CACNA1H: variants seen among roughly 807,000 people sequenced by gnomAD.
CACNA1H encodes calcium voltage-gated channel subunit alpha1 H, also known as voltage-dependent T-type calcium channel subunit alpha-1H.
A neutral mutation model predicts 192.5 loss-of-function variants in CACNA1H; 149 were observed. The observed-to-expected ratio is 0.77, with a 90% CI of 0.68 to 0.89. The LOEUF is 0.89. CACNA1H is among the 40% of genes least tolerant of loss of function. CACNA1H has a pLI of 0.00. For missense variants in CACNA1H, 4,257 were observed against 3,423.5 expected (o/e 1.24, Z -6.08); for synonymous variants, 2,202 against 1,475.2 (o/e 1.49, Z -11.29).
At position 1,205,885 on chromosome 16, in the gene CACNA1H, A is replaced by G. The variant is rs8049080; in HGVS notation, c.2604-219A>G. ...GAGCCAGGCTTCTTTCCCAGGGGGC[A>G]CTGGGGGCCGGGTAGCCCCCGGGGC... is the stretch of plus-strand genomic sequence containing the variant. On this transcript the variant is annotated intron_variant, in intron 11 of 34. Transcript: ENST00000348261. 0.37 allele frequency among the ~76,000 whole-genome samples: 56,189 copies of G among 152,186 alleles called. 11,273 individuals carry two copies. The highest frequency in any genetic ancestry group is 0.47 in the African/African-American group (19,641 of 41,524).
chr16:1,162,500 G>T (rs574533977), intron 2 of CACNA1H, among the ~76,000 whole-genome samples: 1 of 152,338 alleles, frequency 6.6e-6, no homozygotes, highest in South Asian at 2.1e-4. Flanking sequence ...ATGAGGAGCA[G>T]CCCCCAGAGA....
Position 1,215,379 on chromosome 16 carries a change from G to GGTGCCCGC in CACNA1H, c.5173+13_5173+20dup. 3 of 1,609,092 alleles carry GGTGCCCGC rather than the reference G, an allele frequency of 1.9e-6. No individual in the cohort carries two copies. The highest frequency in any genetic ancestry group is 2.2e-5 in the East Asian group (1 of 44,778). ...CGCGTGCTTCGCATTGCCCGTGGTA[G>GGTGCCCGC]GTGCCCGCGTGCCCGCCAGGTTCTC... is the stretch of plus-strand genomic sequence containing the variant. On this transcript the variant is annotated splice_donor_region_variant and intron_variant, in intron 29 of 34. Coordinates refer to ENST00000348261, the MANE Select transcript of CACNA1H (RefSeq NM_021098.3).
chr16:1,218,820 G>T, intron 33 of CACNA1H, 150 bp from the exon 34 acceptor site: 2 of 1,091,108 alleles, frequency 1.8e-6, no homozygotes, highest in Non-Finnish European at 2.6e-6. Context: ...GATTGAGGAG[G>T]CTGGGTGTGG....
At chr16:1,187,855 C>A (rs1314082522) in intron 2 of CACNA1H, among the ~76,000 whole-genome samples, 1 of 152,204 alleles carries the variant, frequency 6.6e-6, no homozygotes, top group Non-Finnish European at 1.5e-5. Context: ...AGGAGGGGCA[C>A]ACAGCCCCGC....
At chr16:1,209,632 A>C (rs1969187030) in intron 17 of CACNA1H, among the ~76,000 whole-genome samples, 1 of 152,194 alleles carries the variant, frequency 6.6e-6, no homozygotes, top group African/African-American at 2.4e-5. Context: ...GCTGTGAGCT[A>C]AACGCTCCAC....
At chr16:1,166,014 C>T (rs993771168) in intron 2 of CACNA1H, among the ~76,000 whole-genome samples, 6 of 152,204 alleles carry the variant, frequency 3.9e-5, no homozygotes, top group African/African-American at 1.2e-4. Context: ...CGGTCCTCCT[C>T]GTCCTGTTGG....
intron 6 of CACNA1H, among the ~76,000 whole-genome samples, 178 bp from the exon 7 acceptor site, chr16:1,200,078 C>T (rs928606000): frequency 1.3e-5 from 2 of 152,086 alleles, no homozygotes; most frequent in Admixed American, 6.5e-5. Flanking sequence ...GGTCTTGACC[C>T]TCAGTCCTAT....
At chr16:1,202,807 C>T (rs1251650243) in intron 9 of CACNA1H, among the ~76,000 whole-genome samples, 4 of 152,134 alleles carry the variant, frequency 2.6e-5, no homozygotes, top group Admixed American at 6.5e-5. Context: ...GGACGCTTCC[C>T]TGGAGGACGT....
At chr16:1,207,213 C>G (rs1968838271) in intron 13 of CACNA1H, 62 bp from the exon 14 acceptor site, 1 of 1,557,270 alleles carries the variant, frequency 6.4e-7, no homozygotes, top group Admixed American at 1.9e-5. Flanking sequence ...TGCCTCTGCC[C>G]CAAGGACTTG....
chr16:1,219,609 C>A (rs945194354), intron 34 of CACNA1H, among the ~76,000 whole-genome samples: 1 of 152,232 alleles, frequency 6.6e-6, no homozygotes. Context: ...CTACCTCTTG[C>A]TGCCCAGTAC....
chr16:1,213,875 T>A lies in CACNA1H; in HGVS notation c.4873T>A (p.Phe1625Ile), dbSNP rs1969749823. 3.1e-6 allele frequency: 5 copies of A among 1,611,450 alleles called. No individual in the cohort carries two copies. The highest frequency in any genetic ancestry group is 3.4e-6 in the Non-Finnish European group (4 of 1,179,164). Reference sequence around the variant, plus strand: ...CCACTATCTCGACCTCTTCATCACCTTCATCATCTGTGTCAACGTCATCAC... The same window carrying A: ...CCACTATCTCGACCTCTTCATCACCATCATCATCTGTGTCAACGTCATCAC... ...TSHYLDLFIT[F>I]IICVNVITMS... The change falls in exon 27 of 35, where the codon TTC becomes ATC. Residue 1625 changes from phenylalanine (F) to isoleucine (I), a missense_variant. Coordinates refer to ENST00000348261, the MANE Select transcript of CACNA1H (RefSeq NM_021098.3).
At chr16:1,153,693 C>A in intron 1 of CACNA1H, 27 bp from the exon 2 acceptor site, 1 of 1,179,418 alleles carries the variant, frequency 8.5e-7, no homozygotes, top group Non-Finnish European at 1.0e-6. Flanking sequence ...TCGCCACCGG[C>A]CCCGGGTCAC....
rs773399229 is a variant in CACNA1H, at chr16:1,202,228, A to ATGCCGCAGCCAC, written c.1785_1796dup (p.Thr597_Ala600dup). 1 of 1,556,136 alleles carries ATGCCGCAGCCAC rather than the reference A, an allele frequency of 6.4e-7. No individual in the cohort carries two copies. The highest frequency in any genetic ancestry group is 1.9e-5 in the Admixed American group (1 of 51,646). ...CCGCAGGAGAGGGCCCGGGTGGCAC[A>ATGCCGCAGCCAC]TGCCGCAGCCACTGCCGCTGCCAGC... is the stretch of plus-strand genomic sequence containing the variant. On this transcript the variant is annotated inframe_insertion, in exon 9 of 35. Transcript: ENST00000348261.
At position 1,220,151 on chromosome 16, in the gene CACNA1H, C is replaced by T. The variant is rs757443856; in HGVS notation, c.6219C>T (p.Thr2073=). 101 of 1,521,196 alleles carry T rather than the reference C, an allele frequency of 6.6e-5. No homozygotes were observed. The highest frequency in any genetic ancestry group is 8.2e-5 in the Non-Finnish European group (93 of 1,136,186). 94.2% of individuals were successfully genotyped at this position (1,521,196 alleles called of 1,614,324 possible). Residue 2073 remains threonine (T), a synonymous_variant, in exon 35 of 35, where the codon ACC becomes ACT. Transcript: ENST00000348261. ...RPASVRTRKH[T]FGQRCVSSRP... Reference sequence around the variant, plus strand: ...CCAGCGTCCGCACTCGTAAGCATACCTTCGGACAGCGCTGCGTCTCCAGCC... The same window carrying T: ...CCAGCGTCCGCACTCGTAAGCATACTTTCGGACAGCGCTGCGTCTCCAGCC...
intron 34 of CACNA1H, 33 bp downstream of exon 34, chr16:1,219,163 G>A: frequency 6.7e-7 from 1 of 1,491,886 alleles, no homozygotes; most frequent in African/African-American, 1.4e-5. Flanking sequence ...AGCAGAGGCT[G>A]GCGGGGATGG....
chr16:1,187,912 C>T (rs917541306), intron 2 of CACNA1H, among the ~76,000 whole-genome samples: 19 of 152,340 alleles, frequency 1.2e-4, no homozygotes, highest in Admixed American at 3.3e-4. Flanking sequence ...CTTCGGCAAA[C>T]GTGGAGGTCT....
chr16:1,183,125 G>A lies in CACNA1H; in HGVS notation c.300-11847G>A, dbSNP rs114852821. ...GGGACACGGTGGGGCCCCAGGTGGC[G>A]GTTTCCAGGAAGTTCTGTGTCAGGC... On this transcript the variant is annotated intron_variant, in intron 2 of 34. Transcript: ENST00000348261. Among the ~76,000 whole-genome samples the A allele has an allele frequency of 4.6e-5, 7 of 151,248 alleles. No individual in the cohort carries two copies. In the East Asian group the frequency reaches 5.9e-4, roughly 13 times the overall value.
At chr16:1,215,176 C>G in intron 28 of CACNA1H, 66 bp from the exon 29 acceptor site, 1 of 1,580,448 alleles carries the variant, frequency 6.3e-7, no homozygotes, top group East Asian at 2.3e-5. Context: ...CGGAGGTCTG[C>G]AGAAGCAACG....
In CACNA1H at chr16:1,220,415, C is replaced by G. The variant is rs1394943751; in HGVS notation, c.6483C>G (p.Gly2161=). The G allele has an allele frequency of 1.3e-6, 2 of 1,529,816 alleles. No individual in the cohort carries two copies. Among genetic ancestry groups the G allele is most frequent in the East Asian group, 2.3e-5 (1 of 43,202 alleles). 94.8% of individuals were successfully genotyped at this position (1,529,816 alleles called of 1,614,324 possible). A position where few individuals can be genotyped will look rare whatever the true frequency, so the allele number is the denominator to read the frequency against. ...DEQWRPSAEL[G]SGEPGEAKAW... ...AGTGGCGGCCCTCGGCGGAGCTGGG[C>G]AGCGGGGAGCCTGGGGAGGCGAAGG... Residue 2161 remains glycine (G), a synonymous_variant, in exon 35 of 35, where the codon GGC becomes GGG. Coordinates refer to ENST00000348261, the MANE Select transcript of CACNA1H (RefSeq NM_021098.3).
Sources: allele counts gnomAD v4.1 joint callset (sites outside exome capture counted in the v4.1 genomes callset), GRCh38; gene constraint gnomAD v4.1.1; transcripts MANE v1.5; gene names NCBI Gene and HGNC (gene_info 2026-07-23, HGNC 2026-07-21).